The following TRHDE variants were observed in gnomAD, a reference collection of about 807,000 sequenced individuals.
TRHDE encodes the protein thyrotropin-releasing hormone-degrading ectoenzyme.
In TRHDE, 72 loss-of-function variants were observed where a neutral mutation model predicts 125.7. That is an observed-to-expected ratio of 0.57 (90% CI 0.47 to 0.70). TRHDE has a LOEUF of 0.70. TRHDE is among the 30% of genes least tolerant of loss of function. TRHDE has a pLI of 0.00. For missense variants in TRHDE, 1,110 were observed against 1,327.1 expected, an observed-to-expected ratio of 0.84 and a Z score of 2.54; for synonymous variants, 509 against 509.1, an observed-to-expected ratio of 1.00 and a Z score of 0.00.
intron 6 of TRHDE, among the ~76,000 whole-genome samples, chr12:72,531,666 C>T (rs1231176847): frequency 2.0e-5 from 3 of 151,932 alleles, no homozygotes; most frequent in Middle Eastern, 3.4e-3. Context: ...GTTGTGCTGT[C>T]CAATGTAATT....
intron 2 of TRHDE, among the ~76,000 whole-genome samples, chr12:72,202,618 T>G (rs1342285991): frequency 6.6e-6 from 1 of 152,204 alleles, no homozygotes; most frequent in Non-Finnish European, 1.5e-5. Flanking sequence ...TCTTTTTATA[T>G]AAACCCTCCT....
intron 2 of TRHDE, among the ~76,000 whole-genome samples, chr12:72,353,672 C>T (rs918434435): frequency 8.6e-5 from 13 of 150,908 alleles, no homozygotes; most frequent in South Asian, 4.2e-4. Flanking sequence ...GAACCACTTA[C>T]GTGTATATGG....
In TRHDE at chr12:72,499,542, G is replaced by C. The variant is rs141391144; in HGVS notation, c.1629G>C (p.Leu543=). 1 of 1,613,752 alleles carries C rather than the reference G, an allele frequency of 6.2e-7. No individual in the cohort carries two copies. The highest frequency in any genetic ancestry group is 1.7e-5 in the Admixed American group (1 of 59,930). Residue 543 remains leucine (L), a synonymous_variant, in exon 6 of 19, where the codon CTG becomes CTC. Transcript: ENST00000261180. ...CCGATGTTCTGCATGAAGTGATGCT[G>C]CTGGACGGTTTGGCCAGTTCCCATC... is the stretch of plus-strand genomic sequence containing the variant. ...FLTDVLHEVM[L]LDGLASSHPV...
rs2044306 is a variant in TRHDE, at chr12:72,404,654, C to T, written c.1315+26533C>T. On this transcript the variant is annotated intron_variant, in intron 3 of 18. Coordinates refer to ENST00000261180, the MANE Select transcript of TRHDE (RefSeq NM_013381.3). Reference sequence around the variant, plus strand: ...CTCTTTATAAAACCATCAGATCTCACGAAACTTACTATCATGACAACAGCA... The same window carrying T: ...CTCTTTATAAAACCATCAGATCTCATGAAACTTACTATCATGACAACAGCA... Among the ~76,000 whole-genome samples the T allele has an allele frequency of 4.5e-3, 688 of 152,172 alleles. 22 individuals are homozygous for T. Among genetic ancestry groups the T allele is most frequent in the Admixed American group, 0.037 (567 of 15,290 alleles).
chr12:72,510,686 T>C (rs1036422873), intron 6 of TRHDE, among the ~76,000 whole-genome samples: 1 of 152,096 alleles, frequency 6.6e-6, no homozygotes, highest in African/African-American at 2.4e-5. Flanking sequence ...TAGAAGTAAG[T>C]AACATACTAG....
intron 2 of TRHDE, among the ~76,000 whole-genome samples, chr12:72,354,768 G>A (rs1057111763): frequency 1.3e-5 from 2 of 149,830 alleles, no homozygotes; most frequent in African/African-American, 4.9e-5. Context: ...CATATACATG[G>A]TTATCTCTGT....
At chr12:72,126,070 G>T (rs1233756467) in intron 2 of TRHDE, among the ~76,000 whole-genome samples, 2 of 152,100 alleles carry the variant, frequency 1.3e-5, no homozygotes, top group Non-Finnish European at 2.9e-5. Context: ...TATGTGTGAA[G>T]GAATTACCTG....
intron 6 of TRHDE, among the ~76,000 whole-genome samples, chr12:72,525,616 T>TGTGTGC (rs1452414695): frequency 6.7e-6 from 1 of 148,260 alleles, no homozygotes; most frequent in Non-Finnish European, 1.5e-5. Context: ...TGTGTGTGTG[T>TGTGTGC]GTGTGTGTGT....
At chr12:72,359,468 T>C (rs1870970853) in intron 2 of TRHDE, among the ~76,000 whole-genome samples, 1 of 151,650 alleles carries the variant, frequency 6.6e-6, no homozygotes, top group Non-Finnish European at 1.5e-5. Context: ...AGTTGACTTG[T>C]TTCAAAGTCA....
At chr12:72,430,322 TATACATATATACATGTATATATAC>T (rs1565738207) in intron 3 of TRHDE, among the ~76,000 whole-genome samples, 1 of 143,958 alleles carries the variant, frequency 6.9e-6, no homozygotes, top group African/African-American at 2.6e-5. Flanking sequence ...TATATACATG[TATACATATATACATGTATATATAC>T]ATGTATACAT....
rs1252764408 is a variant in TRHDE at position 72,273,054 on chromosome 12, C to T, written c.411C>T (p.Leu137=). ...GFPERGGNGS[L]PGSARRNHHA... is the part of the protein sequence containing the mutation. The stretch of plus-strand genomic sequence containing the variant: ...CGGAGCGCGGCGGCAACGGGAGCCT[C>T]CCTGGATCGGCCCGGCGCAACCACC... The change falls in exon 1 of 19, where the codon CTC becomes CTT. Residue 137 remains leucine, a synonymous_variant. Transcript: ENST00000261180. The surrounding 1 kb of genome is among the most constrained non-coding windows in gnomAD (Gnocchi z 5.3). The T allele has an allele frequency of 6.5e-7, 1 of 1,533,182 alleles. No homozygotes were observed. Among genetic ancestry groups the T allele is most frequent in the Non-Finnish European group, 8.7e-7 (1 of 1,143,758 alleles). 95.0% of individuals were successfully genotyped at this position (1,533,182 alleles called of 1,614,324 possible). A position where few individuals can be genotyped will look rare whatever the true frequency, so the allele number is the denominator to read the frequency against.
rs920741535 is a variant in TRHDE at position 72,550,581 on chromosome 12, C to T, written c.1788+8225C>T. ...ATAATTGCTTGACATGATTCTGTTA[C>T]ATAGCTTAGTTTAATACTAGTAATA... is the stretch of plus-strand genomic sequence containing the variant. On this transcript the variant is annotated intron_variant, in intron 7 of 18. Coordinates refer to ENST00000261180, the MANE Select transcript of TRHDE (RefSeq NM_013381.3). 4.8e-4 allele frequency among the ~76,000 whole-genome samples: 73 copies of T among 151,918 alleles called. 1 individual carries two copies. Among genetic ancestry groups the T allele is most frequent in the Non-Finnish European group, 1.5e-4 (10 of 67,900 alleles).
intron 2 of TRHDE, among the ~76,000 whole-genome samples, chr12:72,165,216 C>T (rs779280946): frequency 1.3e-5 from 2 of 152,126 alleles, no homozygotes; most frequent in Non-Finnish European, 2.9e-5. Context: ...CTTTGTTACA[C>T]CAAGGGACTT....
At chr12:72,470,160 C>G (rs1876573694) in intron 4 of TRHDE, among the ~76,000 whole-genome samples, 1 of 152,134 alleles carries the variant, frequency 6.6e-6, no homozygotes. Flanking sequence ...GCACTGCCAC[C>G]CAGCAGCCTC....
At chr12:72,177,108 G>A (rs1033803142) in intron 2 of TRHDE, among the ~76,000 whole-genome samples, 1 of 151,842 alleles carries the variant, frequency 6.6e-6, no homozygotes, top group South Asian at 2.1e-4. Flanking sequence ...GATATGTGTC[G>A]GAGCATCACC....
chr12:72,430,392 T>TAC (rs778464473), intron 3 of TRHDE, among the ~76,000 whole-genome samples: 22 of 142,698 alleles, frequency 1.5e-4, no homozygotes, highest in African/African-American at 5.8e-4. Flanking sequence ...TGTATATATA[T>TAC]ACACACACGT....
intron 3 of TRHDE, among the ~76,000 whole-genome samples, chr12:72,378,387 A>C (rs1871994161): frequency 6.6e-6 from 1 of 152,184 alleles, no homozygotes; most frequent in Admixed American, 6.5e-5. Flanking sequence ...TAATTTGTTG[A>C]ATATGTACTA....
chr12:72,372,658 A>G (rs1871662305), intron 2 of TRHDE, among the ~76,000 whole-genome samples: 2 of 152,080 alleles, frequency 1.3e-5, no homozygotes, highest in Non-Finnish European at 2.9e-5. Flanking sequence ...TCCTTTCCCC[A>G]TTGCTTGTTT....
chr12:72,496,911 C>A lies in TRHDE; in HGVS notation c.1585-2587C>A, dbSNP rs539528556. ...CACAGGTCTTTATAAAAAATTAGCA[C>A]CTTCTCTGCTGGAAACTCTTTGCAA... On this transcript the variant is annotated intron_variant, in intron 5 of 18. Coordinates refer to ENST00000261180, the MANE Select transcript of TRHDE (RefSeq NM_013381.3). 5.1e-4 allele frequency among the ~76,000 whole-genome samples: 78 copies of A among 152,128 alleles called. 1 individual carries two copies. The highest frequency in any genetic ancestry group is 1.7e-3 in the African/African-American group (71 of 41,532).
Sources: gnomAD v4.1 joint callset for allele counts (sites outside exome capture counted in the v4.1 genomes callset) on GRCh38, gnomAD v4.1.1 for gene constraint, Gnocchi (gnomAD v3.1) non-coding constraint, MANE v1.5 for transcripts, NCBI Gene and HGNC (gene_info 2026-07-23, HGNC 2026-07-21) for gene names.